The following ADARB2 variants were observed in gnomAD, a reference collection of about 807,000 sequenced individuals.
ADARB2 encodes inactive double-stranded RNA-specific editase B2.
A neutral mutation model predicts 62.2 loss-of-function variants in ADARB2; 25 were observed. The ratio of observed to expected loss-of-function variants is 0.40; its 90% CI spans 0.29 to 0.56. The LOEUF is 0.56. ADARB2 is among the 20% of genes least tolerant of loss of function. The probability of loss-of-function intolerance (pLI) is 0.43; values close to 1 mark genes in which losing one functional copy is unlikely to be tolerated. For missense variants in ADARB2, 1,071 were observed against 1,077.4 expected (o/e 0.99, Z 0.08); for synonymous variants, 572 against 500.8 (o/e 1.14, Z -1.90).
intron 1 of ADARB2, among the ~76,000 whole-genome samples, chr10:1,474,620 G>C (rs1167348905): frequency 1.3e-5 from 2 of 152,174 alleles, no homozygotes; most frequent in Non-Finnish European, 2.9e-5. Context: ...CCTGGGAGAG[G>C]CTCTCAGCCT....
intron 1 of ADARB2, among the ~76,000 whole-genome samples, chr10:1,540,464 C>T (rs965803578): frequency 2.3e-4 from 35 of 151,336 alleles, no homozygotes; most frequent in Admixed American, 2.0e-3. Context: ...TGATCACAGC[C>T]GCCCAGACCC....
intron 3 of ADARB2, among the ~76,000 whole-genome samples, chr10:1,285,547 C>A (rs929053410): frequency 2.0e-5 from 3 of 152,196 alleles, no homozygotes; most frequent in Non-Finnish European, 4.4e-5. Context: ...ATAGTGATAA[C>A]CAGGTGCTTC....
chr10:1,248,006 A>G lies in ADARB2; in HGVS notation c.1193-5707T>C, dbSNP rs113760658. Among the ~76,000 whole-genome samples the G allele has an allele frequency of 2.6e-3, 402 of 152,304 alleles. 4 individuals are homozygous for G. Among genetic ancestry groups the G allele is most frequent in the African/African-American group, 9.3e-3 (387 of 41,562 alleles). The stretch of plus-strand genomic sequence containing the variant: ...GGACACCAAAAATGCTCTGCACTCA[A>G]TGAGCAATGCTTTGTGTAAAAATGT... On this transcript the variant is annotated intron_variant, in intron 4 of 9. Coordinates refer to ENST00000381312, the MANE Select transcript of ADARB2 (RefSeq NM_018702.4).
intron 1 of ADARB2, among the ~76,000 whole-genome samples, chr10:1,476,194 G>A (rs537061018): frequency 2.6e-5 from 4 of 152,232 alleles, no homozygotes; most frequent in East Asian, 1.9e-4. Flanking sequence ...GGAGAGAGAG[G>A]CAGAGAGAGA....
At chr10:1,329,979 G>A (rs1007828104) in intron 3 of ADARB2, among the ~76,000 whole-genome samples, 3 of 147,666 alleles carry the variant, frequency 2.0e-5, no homozygotes, top group Middle Eastern at 3.4e-3. Flanking sequence ...TAGATAGGAC[G>A]GGAATGTTTT....
Position 1,503,752 on chromosome 10 carries a change from T to G in ADARB2, c.101-124592A>C, listed in dbSNP as rs2813431. 7.2e-3 allele frequency among the ~76,000 whole-genome samples: 1,100 copies of G among 152,186 alleles called. 16 individuals carry two copies. The highest frequency in any genetic ancestry group is 0.025 in the African/African-American group (1,053 of 41,514). On this transcript the variant is annotated intron_variant, in intron 1 of 9. Transcript: ENST00000381312. ...TTGGTGCTGACCTCGTGATAGTAAG[T>G]GAGCTCTGGCTAGATGTGGTCTCTA...
At chr10:1,313,201 G>A (rs1479025872) in intron 3 of ADARB2, among the ~76,000 whole-genome samples, 2 of 152,218 alleles carry the variant, frequency 1.3e-5, no homozygotes, top group African/African-American at 2.4e-5. Flanking sequence ...GGGCCCATTG[G>A]GGGACAGCTT....
intron 1 of ADARB2, among the ~76,000 whole-genome samples, chr10:1,407,497 TGA>T (rs940888075): frequency 1.3e-5 from 2 of 152,178 alleles, no homozygotes; most frequent in Admixed American, 6.5e-5. Flanking sequence ...GGTTTCAGGT[TGA>T]GAGAGACTCA....
At chr10:1,348,027 G>A (rs1017342917) in intron 3 of ADARB2, among the ~76,000 whole-genome samples, 2 of 151,838 alleles carry the variant, frequency 1.3e-5, no homozygotes, top group African/African-American at 2.4e-5. Flanking sequence ...GACAGGGACC[G>A]AGAGAGACAG....
At position 1,183,223 on chromosome 10, in the gene ADARB2, C is replaced by G. The variant is rs199683238; in HGVS notation, c.2190G>C (p.Pro730=). The G allele has an allele frequency of 3.7e-6, 6 of 1,613,644 alleles. No homozygotes were observed. Among genetic ancestry groups the G allele is most frequent in the Non-Finnish European group, 5.1e-6 (6 of 1,179,996 alleles). ...AGLGTWVRKP[P]EQQQFLLTL ...GAGTCAGTAGAAACTGCTGCTGCTCCGGTGGTTTCCTCACCCAGGTGCCCA... is the reference window on the plus strand; with the variant it reads ...GAGTCAGTAGAAACTGCTGCTGCTCGGGTGGTTTCCTCACCCAGGTGCCCA... The change falls in exon 10 of 10, where the codon CCG becomes CCC. Residue 730 remains proline, a synonymous_variant. Coordinates refer to ENST00000381312, the MANE Select transcript of ADARB2 (RefSeq NM_018702.4).
At chr10:1,581,025 G>T (rs1176017332) in intron 1 of ADARB2, among the ~76,000 whole-genome samples, 1 of 152,222 alleles carries the variant, frequency 6.6e-6, no homozygotes, top group Non-Finnish European at 1.5e-5. Context: ...GCCGCTATAA[G>T]CATCTGTGTG....
intron 1 of ADARB2, among the ~76,000 whole-genome samples, chr10:1,622,340 T>C (rs1482499604): frequency 1.3e-5 from 2 of 152,202 alleles, no homozygotes; most frequent in Non-Finnish European, 2.9e-5. Context: ...TATCAAAAAG[T>C]TGGACTTCAT....
Position 1,201,842 on chromosome 10 carries a change from G to A in ADARB2, c.1683-1695C>T, listed in dbSNP as rs548276085. The stretch of plus-strand genomic sequence containing the variant: ...CTCGGATGGTGGGAGGACACACAGC[G>A]CCTGTCACTGAGGACCCTTCATTCC... On this transcript the variant is annotated intron_variant, in intron 7 of 9. Transcript: ENST00000381312. Among the ~76,000 whole-genome samples, 17 of 97,458 alleles carry A rather than the reference G, an allele frequency of 1.7e-4. No individual in the cohort carries two copies. In the South Asian group the frequency reaches 5.1e-3, roughly 29 times the overall value. The allele number at this position is 97,458 out of a possible 152,430, so 63.9% of individuals were successfully genotyped here. A position where few individuals can be genotyped will look rare whatever the true frequency, so the allele number is the denominator to read the frequency against.
intron 1 of ADARB2, among the ~76,000 whole-genome samples, chr10:1,669,074 T>C (rs1834347947): frequency 6.6e-6 from 1 of 152,192 alleles, no homozygotes; most frequent in South Asian, 2.1e-4. Context: ...GGACATTTTA[T>C]GCAGCAAGCC....
intron 2 of ADARB2, among the ~76,000 whole-genome samples, chr10:1,365,161 C>T (rs904477145): frequency 7.2e-5 from 11 of 152,042 alleles, no homozygotes; most frequent in African/African-American, 2.4e-4. Flanking sequence ...TGAGAGCCAC[C>T]GCGCCTGGCC....
intron 3 of ADARB2, among the ~76,000 whole-genome samples, chr10:1,286,070 C>T (rs371426744): frequency 1.6e-3 from 14 of 8,486 alleles, no homozygotes; most frequent in South Asian, 3.3e-3. Context: ...ACAGCGGGGG[C>T]GGGTGGTGGG....
chr10:1,669,908 A>G (rs1292271492), intron 1 of ADARB2, among the ~76,000 whole-genome samples: 6 of 151,914 alleles, frequency 3.9e-5, no homozygotes, highest in Non-Finnish European at 7.4e-5. Context: ...ACACAGACAC[A>G]CCCATAGAGA....
chr10:1,275,202 G>GGGAGGACTCCA (rs1831303791), intron 3 of ADARB2, among the ~76,000 whole-genome samples: 1 of 152,230 alleles, frequency 6.6e-6, no homozygotes, highest in African/African-American at 2.4e-5. Flanking sequence ...GGCTTGCATG[G>GGGAGGACTCCA]CCAGCAGATG....
At chr10:1,732,915 C>T (rs1051487782) in intron 1 of ADARB2, among the ~76,000 whole-genome samples, 1 of 152,258 alleles carries the variant, frequency 6.6e-6, no homozygotes, top group Non-Finnish European at 1.5e-5. Flanking sequence ...CATTCAGCAA[C>T]CTGCCCGTTC....
Sources: allele counts gnomAD v4.1 joint callset (sites outside exome capture counted in the v4.1 genomes callset), GRCh38; gene constraint gnomAD v4.1.1; transcripts MANE v1.5; gene names NCBI Gene and HGNC (gene_info 2026-07-23, HGNC 2026-07-21).